The following ERC2 variants were observed in gnomAD, a reference collection of about 807,000 sequenced individuals.
ERC2 encodes the protein ELKS/RAB6-interacting/CAST family member 2, also known as ERC protein 2.
Under a neutral mutation model 114.8 loss-of-function variants are expected in ERC2, and 42 were observed. That is an observed-to-expected ratio of 0.37 (90% confidence interval 0.29 to 0.47). ERC2 has a LOEUF of 0.47. Among genes scored for constraint, ERC2 ranks in the 20% least tolerant of loss-of-function variants. The pLI is 0.99. For missense variants in ERC2, 939 were observed against 1,150.7 expected, an observed-to-expected ratio of 0.82 and a Z score of 2.66; for synonymous variants, 454 against 425.5, an observed-to-expected ratio of 1.07 and a Z score of -0.82.
chr3:55,602,968 G>C (rs772837202), intron 17 of ERC2, among the ~76,000 whole-genome samples: 2 of 152,264 alleles, frequency 1.3e-5, no homozygotes, highest in South Asian at 2.1e-4. Flanking sequence ...GGGCATGCCT[G>C]TCTTGTCCCT....
intron 4 of ERC2, among the ~76,000 whole-genome samples, chr3:56,152,427 G>A (rs2149961577): frequency 6.8e-6 from 1 of 146,412 alleles, no homozygotes; most frequent in South Asian, 2.2e-4. Context: ...AGGGGGGGGG[G>A]CGCTAAATAT....
intron 17 of ERC2, among the ~76,000 whole-genome samples, chr3:55,667,535 G>A (rs2148724823): frequency 1.3e-5 from 2 of 152,272 alleles, no homozygotes; most frequent in South Asian, 4.2e-4. Flanking sequence ...TCATCATCCT[G>A]AGACTGCATG....
intron 14 of ERC2, among the ~76,000 whole-genome samples, chr3:55,823,306 TA>T (rs1050848463): frequency 1.3e-5 from 2 of 152,218 alleles, no homozygotes; most frequent in African/African-American, 4.8e-5. Flanking sequence ...AATGTTCTTT[TA>T]AAATCCCAAT....
chr3:56,087,725 T>C (rs1026225359), intron 6 of ERC2, among the ~76,000 whole-genome samples: 1 of 152,016 alleles, frequency 6.6e-6, no homozygotes, highest in Admixed American at 6.6e-5. Context: ...TAAAAGAAAA[T>C]GAAACTGGAA....
intron 2 of ERC2, among the ~76,000 whole-genome samples, chr3:56,376,671 G>A (rs1301866545): frequency 6.6e-6 from 1 of 151,890 alleles, no homozygotes; most frequent in Non-Finnish European, 1.5e-5. Context: ...GCTGAGGCAG[G>A]AGAACCGCTT....
intron 17 of ERC2, among the ~76,000 whole-genome samples, chr3:55,560,519 A>G (rs571799761): frequency 6.6e-6 from 1 of 152,260 alleles, no homozygotes; most frequent in East Asian, 1.9e-4. Flanking sequence ...AGAGGGTCCC[A>G]GAGGTGCCCA....
At chr3:56,011,644 C>A (rs1007862557) in intron 8 of ERC2, among the ~76,000 whole-genome samples, 1 of 151,424 alleles carries the variant, frequency 6.6e-6, no homozygotes, top group African/African-American at 2.4e-5. Flanking sequence ...CACATGCACA[C>A]GAAAATTCCA....
intron 17 of ERC2, among the ~76,000 whole-genome samples, chr3:55,519,061 G>T (rs927677184): frequency 6.6e-6 from 1 of 152,188 alleles, no homozygotes; most frequent in Non-Finnish European, 1.5e-5. Flanking sequence ...TGGAAAGAGG[G>T]GGATGTCCGA....
chr3:56,244,511 C>A (rs2051544729), intron 3 of ERC2, among the ~76,000 whole-genome samples: 1 of 151,990 alleles, frequency 6.6e-6, no homozygotes, highest in Non-Finnish European at 1.5e-5. Context: ...CCCCTGAAGA[C>A]CTTCCAGTGG....
intron 12 of ERC2, among the ~76,000 whole-genome samples, chr3:55,975,139 C>T (rs13066051): frequency 0.32 from 49,125 of 151,682 alleles, 8,181 homozygotes; most frequent in Admixed American, 0.37. Flanking sequence ...CTTGGTTTCC[C>T]GATCTCAAAA....
chr3:55,541,014 A>C (rs1200689558), intron 17 of ERC2, among the ~76,000 whole-genome samples: 4 of 152,156 alleles, frequency 2.6e-5, no homozygotes, highest in Non-Finnish European at 5.9e-5. Flanking sequence ...ATATATAAAC[A>C]TCAAAGTTTT....
chr3:56,444,479 A>T (rs1286058540), intron 1 of ERC2, among the ~76,000 whole-genome samples: 1 of 152,222 alleles, frequency 6.6e-6, no homozygotes, highest in African/African-American at 2.4e-5. Context: ...TTATGGCTCA[A>T]ACAAAATAAA....
chr3:55,703,088 C>T (rs1166463280), intron 15 of ERC2, among the ~76,000 whole-genome samples: 1 of 152,182 alleles, frequency 6.6e-6, no homozygotes, highest in African/African-American at 2.4e-5. Context: ...CAAGGCGCCA[C>T]CTTATTTCTC....
At chr3:55,911,052 C>T (rs1384821567) in intron 13 of ERC2, among the ~76,000 whole-genome samples, 1 of 152,154 alleles carries the variant, frequency 6.6e-6, no homozygotes, top group Non-Finnish European at 1.5e-5. Context: ...CGCTCTGTCC[C>T]TCTCTTTGTC....
Position 55,716,757 on chromosome 3 carries a change from C to G in ERC2, c.2713-17245G>C, listed in dbSNP as rs368558381. Among the ~76,000 whole-genome samples, 5 of 152,220 alleles carry G rather than the reference C, an allele frequency of 3.3e-5. No individual in the cohort carries two copies. In the East Asian group the frequency reaches 9.6e-4, roughly 29 times the overall value. ...GCTTATCTCCACCTCCACCCTGACT[C>G]CTGTGACACAGTCCTATACCAGTCT... On this transcript the variant is annotated intron_variant, in intron 15 of 17. Transcript: ENST00000288221.
At chr3:55,789,795 A>G (rs1473414221) in intron 14 of ERC2, among the ~76,000 whole-genome samples, 1 of 152,172 alleles carries the variant, frequency 6.6e-6, no homozygotes, top group African/African-American at 2.4e-5. Flanking sequence ...GGTGATACAA[A>G]AAGGCAGAAG....
intron 2 of ERC2, among the ~76,000 whole-genome samples, chr3:56,412,658 G>A (rs2060986716): frequency 6.6e-6 from 1 of 152,106 alleles, no homozygotes; most frequent in South Asian, 2.1e-4. Context: ...CACCTGGGTT[G>A]GCTTCCATGT....
intron 14 of ERC2, among the ~76,000 whole-genome samples, chr3:55,738,845 G>A (rs768374171): frequency 3.3e-5 from 5 of 152,086 alleles, no homozygotes; most frequent in Non-Finnish European, 7.4e-5. Context: ...ACATGCCATG[G>A]TGGTTTGCTG....
intron 7 of ERC2, among the ~76,000 whole-genome samples, chr3:56,062,750 T>A (rs900033323): frequency 6.6e-5 from 10 of 152,120 alleles, no homozygotes; most frequent in Non-Finnish European, 1.3e-4. Context: ...TAACTTCCCA[T>A]GTAACTTTGC....
Sources: allele counts gnomAD v4.1 joint callset (sites outside exome capture counted in the v4.1 genomes callset), GRCh38; gene constraint gnomAD v4.1.1; transcripts MANE v1.5; gene names NCBI Gene and HGNC (gene_info 2026-07-23, HGNC 2026-07-21).